Variants in SIPA1L1 observed in about 807,000 individuals in gnomAD.
SIPA1L1 encodes signal-induced proliferation-associated 1-like protein 1.
Under a neutral mutation model 162.7 loss-of-function variants are expected in SIPA1L1, and 26 were observed. That is an observed-to-expected ratio of 0.16 (90% CI 0.12 to 0.22). SIPA1L1 has a LOEUF of 0.22. Ranked by LOEUF, SIPA1L1 falls within the 10% of genes least tolerant of loss-of-function variation. The probability of loss-of-function intolerance (pLI) is 1.00; values close to 1 mark genes in which losing one functional copy is unlikely to be tolerated. For missense variants in SIPA1L1, 1,874 were observed against 2,241.0 expected (o/e 0.84, Z 3.31); for synonymous variants, 829 against 837.4 (o/e 0.99, Z 0.17).
chr14:71,678,455 A>G (rs759417633), intron 12 of SIPA1L1, among the ~76,000 whole-genome samples: 22 of 152,098 alleles, frequency 1.4e-4, no homozygotes, highest in Non-Finnish European at 1.6e-4. Context: ...ATTGATTTGC[A>G]TATGTTGAAC....
rs116965047 is a variant in SIPA1L1 at position 71,473,304 on chromosome 14, G to T, written c.-464-39439G>T. Among the ~76,000 whole-genome samples, 465 of 152,136 alleles carry T rather than the reference G, an allele frequency of 3.1e-3. 1 individual carries two copies. Among genetic ancestry groups the T allele is most frequent in the Non-Finnish European group, 5.6e-3 (380 of 68,002 alleles). The stretch of plus-strand genomic sequence containing the variant: ...ATTATAACATAATATATAACTGTAA[G>T]TCTAGAAATAAAATTACTTTTAATC... On this transcript the variant is annotated intron_variant, in intron 2 of 23. Transcript: ENST00000381232.
chr14:71,585,705 AT>A (rs1567246238), intron 4 of SIPA1L1, among the ~76,000 whole-genome samples: 1 of 152,204 alleles, frequency 6.6e-6, no homozygotes, highest in Non-Finnish European at 1.5e-5. Context: ...AAGATGATTT[AT>A]TTGGATTTCT....
At chr14:71,569,441 G>A (rs532892142) in intron 4 of SIPA1L1, among the ~76,000 whole-genome samples, 26 of 152,300 alleles carry the variant, frequency 1.7e-4, no homozygotes, top group Admixed American at 2.6e-4. Context: ...CTGGAAATAG[G>A]AATTATTTGA....
In SIPA1L1 at chr14:71,438,815, G is replaced by A. The variant is rs185624756; in HGVS notation, c.-464-73928G>A. Among the ~76,000 whole-genome samples the A allele has an allele frequency of 4.6e-3, 698 of 152,284 alleles. 2 individuals carry two copies. Among genetic ancestry groups the A allele is most frequent in the Non-Finnish European group, 6.9e-3 (468 of 68,022 alleles). ...TATTAGATTGGTGCCTGGGTTTTGG[G>A]TCATGCTCTCATGTGCTTCTGCCTG... On this transcript the variant is annotated intron_variant, in intron 2 of 23. Transcript: ENST00000381232.
At chr14:71,689,295 A>G (rs879931874) in intron 13 of SIPA1L1, among the ~76,000 whole-genome samples, 14 of 152,208 alleles carry the variant, frequency 9.2e-5, no homozygotes, top group Non-Finnish European at 2.1e-4. Context: ...ATAAAGTCTA[A>G]TTTCTATTTG....
rs564168686 is a variant in SIPA1L1 at position 71,670,854 on chromosome 14, T to TA, written c.2256-256dup. 6.1e-3 allele frequency among the ~76,000 whole-genome samples: 923 copies of TA among 151,480 alleles called. 4 individuals carry two copies. The highest frequency in any genetic ancestry group is 0.012 in the South Asian group (60 of 4,804). ...GAGTTTTGGTCAGTTTCCTGTCTGG[T>TA]AAAAAAAAAGTTAATAGTGTTAGCT... On this transcript the variant is annotated intron_variant, in intron 10 of 23. Coordinates refer to ENST00000381232, the MANE Select transcript of SIPA1L1 (RefSeq NM_001386936.1).
intron 3 of SIPA1L1, among the ~76,000 whole-genome samples, chr14:71,523,363 T>C (rs1171725956): frequency 6.6e-6 from 1 of 151,868 alleles, no homozygotes; most frequent in Non-Finnish European, 1.5e-5. Flanking sequence ...TTTTTTCGCT[T>C]TTTATTTTGA....
intron 3 of SIPA1L1, among the ~76,000 whole-genome samples, chr14:71,517,569 T>TA (rs1167697964): frequency 6.6e-6 from 1 of 152,216 alleles, no homozygotes; most frequent in East Asian, 1.9e-4. Context: ...GATGGTAGGA[T>TA]ATGCCGTACC....
intron 2 of SIPA1L1, among the ~76,000 whole-genome samples, chr14:71,498,495 C>T (rs891821895): frequency 6.6e-6 from 1 of 152,144 alleles, no homozygotes; most frequent in African/African-American, 2.4e-5. Context: ...AAGAGCTCTT[C>T]TCTAAGGAAA....
rs2083070911 is a variant in SIPA1L1 at position 71,713,948 on chromosome 14, A to T, written c.4208+4284A>T. Among the ~76,000 whole-genome samples the T allele has an allele frequency of 2.0e-5, 3 of 151,624 alleles. 1 individual carries two copies. The highest frequency in any genetic ancestry group is 2.0e-4 in the Admixed American group (3 of 15,210). ...ATTTTTTCCTTAAGATGAGAATGTT[A>T]TTTTTCTAAATATTATGGACTAACT... On this transcript the variant is annotated intron_variant, in intron 17 of 23. Coordinates refer to ENST00000381232, the MANE Select transcript of SIPA1L1 (RefSeq NM_001386936.1).
intron 5 of SIPA1L1, among the ~76,000 whole-genome samples, chr14:71,615,248 T>C (rs1217256093): frequency 6.6e-6 from 1 of 152,146 alleles, no homozygotes; most frequent in African/African-American, 2.4e-5. Context: ...AAGTTTAGTA[T>C]CATTGGTTTT....
intron 5 of SIPA1L1, among the ~76,000 whole-genome samples, chr14:71,617,144 T>G (rs1206276521): frequency 6.6e-6 from 1 of 152,164 alleles, no homozygotes; most frequent in African/African-American, 2.4e-5. Context: ...CTCTTTAAGT[T>G]CTTGTCTGCC....
At chr14:71,528,661 A>G (rs972928292) in intron 3 of SIPA1L1, 1 of 152,138 alleles carries the variant, frequency 6.6e-6, no homozygotes, top group Non-Finnish European at 1.5e-5. Context: ...TCAAAAAGAG[A>G]AAAATAATAA....
intron 2 of SIPA1L1, among the ~76,000 whole-genome samples, chr14:71,452,174 CT>C (rs530480700): frequency 1.5e-3 from 233 of 152,070 alleles, no homozygotes; most frequent in Non-Finnish European, 2.5e-3. Context: ...AAACCCCCCC[CT>C]CATGTTCTCT....
chr14:71,384,345 G>A (rs1007089575), intron 2 of SIPA1L1, among the ~76,000 whole-genome samples: 1 of 152,152 alleles, frequency 6.6e-6, no homozygotes, highest in African/African-American at 2.4e-5. Flanking sequence ...GATTATTCTG[G>A]GTTTGTGTGG....
At chr14:71,419,932 G>A (rs573294985) in intron 2 of SIPA1L1, among the ~76,000 whole-genome samples, 1 of 152,056 alleles carries the variant, frequency 6.6e-6, no homozygotes, top group Non-Finnish European at 1.5e-5. Flanking sequence ...GAGGTGGGAG[G>A]ATTGCTTGAG....
chr14:71,464,845 G>T (rs920265715), intron 2 of SIPA1L1, among the ~76,000 whole-genome samples: 8 of 152,028 alleles, frequency 5.3e-5, no homozygotes, highest in Non-Finnish European at 1.0e-4. Context: ...AGCGCACCCC[G>T]TCATGGGTCA....
chr14:71,604,146 T>C (rs2037198489), intron 5 of SIPA1L1, among the ~76,000 whole-genome samples: 1 of 150,830 alleles, frequency 6.6e-6, no homozygotes, highest in Non-Finnish European at 1.5e-5. Flanking sequence ...TATGGGCACA[T>C]GCCACCACGC....
chr14:71,429,323 T>C (rs1302626389), intron 2 of SIPA1L1, among the ~76,000 whole-genome samples: 7 of 152,186 alleles, frequency 4.6e-5, no homozygotes, highest in Non-Finnish European at 5.9e-5. Flanking sequence ...TTGGTACTTT[T>C]ATTTTTATTT....
Sources: allele counts gnomAD v4.1 joint callset (sites outside exome capture counted in the v4.1 genomes callset), GRCh38; gene constraint gnomAD v4.1.1; transcripts MANE v1.5; gene names NCBI Gene and HGNC (gene_info 2026-07-23, HGNC 2026-07-21).